NCOA3: variants seen among roughly 807,000 people sequenced by gnomAD.
The protein encoded by NCOA3 is CBP-interacting protein.
Under a neutral mutation model 158.8 loss-of-function variants are expected in NCOA3, and 51 were observed. The ratio of observed to expected loss-of-function variants is 0.32; its 90% CI spans 0.26 to 0.41. The LOEUF is 0.41. Ranked by LOEUF, NCOA3 falls within the 10% of genes least tolerant of loss-of-function variation. The pLI is 1.00. For missense variants in NCOA3, 1,510 were observed against 1,746.6 expected (o/e 0.86, Z 2.41); for synonymous variants, 537 against 592.4 (o/e 0.91, Z 1.36).
intron 2 of NCOA3, among the ~76,000 whole-genome samples, chr20:47,585,323 C>T (rs902241039): frequency 6.6e-6 from 1 of 152,066 alleles, no homozygotes; most frequent in African/African-American, 2.4e-5. Context: ...GGATTATAGG[C>T]GTGAGCCACT....
chr20:47,517,169 G>A (rs964479148), intron 1 of NCOA3, among the ~76,000 whole-genome samples: 5 of 152,170 alleles, frequency 3.3e-5, no homozygotes, highest in African/African-American at 9.7e-5. Context: ...CATGAGCTGA[G>A]ATAGCACCAC....
intron 1 of NCOA3, among the ~76,000 whole-genome samples, chr20:47,524,448 G>C (rs1425677785): frequency 6.6e-6 from 1 of 152,194 alleles, no homozygotes; most frequent in East Asian, 1.9e-4. Flanking sequence ...CCACTCTGAT[G>C]GTTGAATTTC....
intron 1 of NCOA3, among the ~76,000 whole-genome samples, chr20:47,559,221 C>T (rs1322400207): frequency 1.3e-5 from 2 of 151,938 alleles, no homozygotes; most frequent in Non-Finnish European, 2.9e-5. Flanking sequence ...GGGCATTGTC[C>T]AATAGTAAAA....
At chr20:47,628,311 C>T in intron 8 of NCOA3, 1 of 275,018 alleles carries the variant, frequency 3.6e-6, no homozygotes, top group Middle Eastern at 1.1e-3. Flanking sequence ...CATTTTGCGT[C>T]AGAATTTAGT....
At position 47,637,758 on chromosome 20, in the gene NCOA3, G is replaced by A; in HGVS notation, c.2487G>A (p.Gln829=). The A allele has an allele frequency of 6.2e-7, 1 of 1,604,222 alleles. No individual in the cohort carries two copies. Among genetic ancestry groups the A allele is most frequent in the South Asian group, 1.1e-5 (1 of 88,690 alleles). ...SNGSHLGTKQ[Q]VFQGTNSLGL... is the part of the protein sequence containing the mutation. ...GTAGTCATCTGGGGACTAAGCAACAGGTGTTTCAAGGAACTAATTCTCTGG... is the reference window on the plus strand; with the variant it reads ...GTAGTCATCTGGGGACTAAGCAACAAGTGTTTCAAGGAACTAATTCTCTGG... The change falls in exon 13 of 23, where the codon CAG becomes CAA. Residue 829 remains glutamine (Q), a synonymous_variant. Transcript: ENST00000371998.
chr20:47,561,145 T>C (rs1325175606), intron 1 of NCOA3, among the ~76,000 whole-genome samples: 1 of 151,644 alleles, frequency 6.6e-6, no homozygotes, highest in Non-Finnish European at 1.5e-5. Context: ...AGCTACTTTT[T>C]TGTATTTTTT....
At chr20:47,596,426 G>A (rs1233405059) in intron 2 of NCOA3, among the ~76,000 whole-genome samples, 1 of 151,980 alleles carries the variant, frequency 6.6e-6, no homozygotes, top group Non-Finnish European at 1.5e-5. Flanking sequence ...AAACATTAGA[G>A]TTTCTTCTAG....
chr20:47,582,657 G>C (rs1452427654), intron 1 of NCOA3, among the ~76,000 whole-genome samples: 1 of 152,202 alleles, frequency 6.6e-6, no homozygotes, highest in Non-Finnish European at 1.5e-5. Context: ...ATGAGCCACT[G>C]CGCCTGGCCC....
At position 47,636,767 on chromosome 20, in the gene NCOA3, T is replaced by C; in HGVS notation, c.2376+5T>C. 6.3e-7 allele frequency: 1 copy of C among 1,597,008 alleles called. No homozygotes were observed. Among genetic ancestry groups the C allele is most frequent in the Non-Finnish European group, 8.6e-7 (1 of 1,169,384 alleles). ...AAGACAGAGACAAGTGAAGAGGTAATTTGTTTTCTGTATATTTCAGCTCAT... is the reference window on the plus strand; with the variant it reads ...AAGACAGAGACAAGTGAAGAGGTAACTTGTTTTCTGTATATTTCAGCTCAT... On this transcript the variant is annotated splice_donor_5th_base_variant and intron_variant, in intron 12 of 22. Coordinates refer to ENST00000371998, the MANE Select transcript of NCOA3 (RefSeq NM_181659.3).
chr20:47,568,620 A>C (rs946131909), intron 1 of NCOA3, among the ~76,000 whole-genome samples: 1 of 152,068 alleles, frequency 6.6e-6, no homozygotes, highest in African/African-American at 2.4e-5. Context: ...GCAAGATTCC[A>C]TCTCTACCAA....
At chr20:47,645,345 T>G (rs396221) in intron 17 of NCOA3, among the ~76,000 whole-genome samples, 65,884 of 151,318 alleles carry the variant, frequency 0.44, 14,714 homozygotes, top group Middle Eastern at 0.59. Flanking sequence ...ACCTCCTCAT[T>G]TCAGCACCAT....
intron 21 of NCOA3, 43 bp from the exon 22 acceptor site, chr20:47,652,888 A>G (rs376167472): frequency 2.8e-5 from 45 of 1,605,692 alleles, no homozygotes; most frequent in Non-Finnish European, 3.7e-5. Context: ...CTTTGTCGCT[A>G]AAGTGACTTC....
rs1331456434 is a variant in NCOA3 at position 47,622,285 on chromosome 20, G to A, written c.38G>A (p.Ser13Asn). The A allele has an allele frequency of 6.2e-7, 1 of 1,607,922 alleles. No homozygotes were observed. The highest frequency in any genetic ancestry group is 8.5e-7 in the Non-Finnish European group (1 of 1,177,690). ...GGAGAAAACTTGGATCCACTGGCCA[G>A]TGATTCACGAAAACGCAAATTGCCA... ...GLGENLDPLASDSRKRKLPCD... is the reference protein window; with the variant it reads ...GLGENLDPLANDSRKRKLPCD... Residue 13 changes from serine (S) to asparagine (N), a missense_variant, in exon 3 of 23, where the codon AGT (serine) becomes AAT (asparagine). Ser to Asn is a conservative substitution (Grantham distance 46). Coordinates refer to ENST00000371998, the MANE Select transcript of NCOA3 (RefSeq NM_181659.3).
chr20:47,531,521 A>G (rs976235823), intron 1 of NCOA3, among the ~76,000 whole-genome samples: 2 of 152,246 alleles, frequency 1.3e-5, no homozygotes, highest in African/African-American at 4.8e-5. Context: ...AAGTAAAGCC[A>G]TATTAATGCA....
chr20:47,571,738 G>A (rs757454572), intron 1 of NCOA3, among the ~76,000 whole-genome samples: 9 of 151,832 alleles, frequency 5.9e-5, no homozygotes, highest in Non-Finnish European at 1.3e-4. Context: ...TTTTGAGACA[G>A]GGTCTGCCTC....
chr20:47,633,918 T>C, intron 9 of NCOA3, 130 bp from the exon 10 acceptor site: 3 of 1,219,620 alleles, frequency 2.5e-6, no homozygotes, highest in Non-Finnish European at 3.4e-6. Context: ...CTGTTGATGA[T>C]TTTGGTGCAG....
At chr20:47,610,702 A>G (rs2086028852) in intron 2 of NCOA3, among the ~76,000 whole-genome samples, 2 of 152,154 alleles carry the variant, frequency 1.3e-5, no homozygotes, top group Non-Finnish European at 1.5e-5. Context: ...AGAGTTACAG[A>G]TCTGCTCCAA....
chr20:47,553,169 A>G (rs1436513921), intron 1 of NCOA3, among the ~76,000 whole-genome samples: 1 of 152,060 alleles, frequency 6.6e-6, no homozygotes, highest in Non-Finnish European at 1.5e-5. Flanking sequence ...TCCTGGGCTT[A>G]AGGGATTTGC....
chr20:47,564,557 T>G (rs1338602225), intron 1 of NCOA3, among the ~76,000 whole-genome samples: 1 of 152,120 alleles, frequency 6.6e-6, no homozygotes. Flanking sequence ...TTTTTTTTTT[T>G]TTTAGGTAGA....
Sources: allele counts gnomAD v4.1 joint callset (sites outside exome capture counted in the v4.1 genomes callset), GRCh38; gene constraint gnomAD v4.1.1; transcripts MANE v1.5; gene names NCBI Gene and HGNC (gene_info 2026-07-23, HGNC 2026-07-21).